Variants in ADGRE1 observed in about 807,000 individuals in gnomAD.
ADGRE1 encodes EGF-like module receptor 1.
In ADGRE1, 82 loss-of-function variants were observed where a neutral mutation model predicts 102.7. That is an observed-to-expected ratio of 0.80 (90% CI 0.67 to 0.96). The LOEUF (loss-of-function observed/expected upper bound fraction) is 0.96. Ranked by LOEUF, ADGRE1 falls within the 40% of genes least tolerant of loss-of-function variation. ADGRE1 has a pLI of 0.00. For synonymous variants in ADGRE1, 398 were observed against 399.6 expected (o/e 1.00, Z 0.05); for missense variants, 1,032 against 1,085.3 (o/e 0.95, Z 0.69).
chr19:6,937,758 C>T, intron 20 of ADGRE1, 110 bp downstream of exon 20: 1 of 855,506 alleles, frequency 1.2e-6, no homozygotes, highest in South Asian at 1.5e-5. Context: ...AGGGTGCCCA[C>T]CCTAGTTAGC....
chr19:6,910,570 CTT>C (rs11303491), intron 10 of ADGRE1, among the ~76,000 whole-genome samples: 2,082 of 112,588 alleles, frequency 0.018, 18 homozygotes, highest in South Asian at 0.039. Flanking sequence ...TGTTCCAACT[CTT>C]TTTTTTTTTT....
rs143450396 is a variant in ADGRE1, at chr19:6,918,966, C to A, written c.1421-582C>A. ...CCTGGAACTCCTGACCTCAAGTGAT[C>A]CACTTGCCTTGGCCTCCCAAAGTGC... On this transcript the variant is annotated intron_variant, in intron 12 of 20. Coordinates refer to ENST00000312053, the MANE Select transcript of ADGRE1 (RefSeq NM_001974.5). Among the ~76,000 whole-genome samples, 36 of 152,284 alleles carry A rather than the reference C, an allele frequency of 2.4e-4. 1 individual carries two copies. In the East Asian group the frequency reaches 6.9e-3, roughly 29 times the overall value.
At chr19:6,897,334 C>G in intron 4 of ADGRE1, 30 bp downstream of exon 4, 1 of 1,613,182 alleles carries the variant, frequency 6.2e-7, no homozygotes, top group Non-Finnish European at 8.5e-7. Context: ...AGGGATGGGT[C>G]TTGGGTGGAT....
intron 12 of ADGRE1, 67 bp from the exon 13 acceptor site, chr19:6,919,481 T>TGTGTGTGTGTGTGG: frequency 9.8e-7 from 1 of 1,015,764 alleles, no homozygotes; most frequent in Non-Finnish European, 1.5e-6. Flanking sequence ...TGTGTGTGTG[T>TGTGTGTGTGTGTGG]TGGGTCTTCT....
intron 17 of ADGRE1, among the ~76,000 whole-genome samples, chr19:6,930,597 A>G (rs564678794): frequency 6.6e-6 from 1 of 152,120 alleles, no homozygotes; most frequent in East Asian, 1.9e-4. Flanking sequence ...ACACAATCCA[A>G]TTATGTTCTT....
At chr19:6,913,604 C>G in intron 10 of ADGRE1, 49 bp from the exon 11 acceptor site, 1 of 1,490,382 alleles carries the variant, frequency 6.7e-7, no homozygotes, top group South Asian at 1.4e-5. Context: ...GCTGTTATTT[C>G]ATTAATGAGA....
rs3029890 is a variant in ADGRE1 at position 6,898,237 on chromosome 19, CT to C, written c.514+700del. ...TATGGGATGGGAGATATTGTTTTAA[CT>C]TTTTTTTTTGGCAAAATACAGTCTT... On this transcript the variant is annotated intron_variant, in intron 5 of 20. Transcript: ENST00000312053. 5.7e-3 allele frequency: 6,676 copies of C among 1,170,734 alleles called. 2 individuals carry two copies. The highest frequency in any genetic ancestry group is 0.014 in the East Asian group (418 of 30,314). 72.5% of individuals were successfully genotyped at this position (1,170,734 alleles called of 1,614,324 possible).
In ADGRE1 at chr19:6,934,990, A is replaced by T. The variant is rs747410091; in HGVS notation, c.2293A>T (p.Asn765Tyr). Residue 765 changes from asparagine to tyrosine, a missense_variant, in exon 18 of 21, where the codon AAC becomes TAC. Physicochemically the swap from Asn to Tyr is moderately radical, Grantham distance 143. Coordinates refer to ENST00000312053, the MANE Select transcript of ADGRE1 (RefSeq NM_001974.5). ...ATCCTTCTGCTTGACTTTGCAGATCAACTCCCTTCTCCTGACCTGGACCTT... is the reference window on the plus strand; with the variant it reads ...ATCCTTCTGCTTGACTTTGCAGATCTACTCCCTTCTCCTGACCTGGACCTT... ...LGPVCTVIVI[N>Y]SLLLTWTLWI... 1 of 1,578,392 alleles carries T rather than the reference A, an allele frequency of 6.3e-7. No homozygotes were observed.
chr19:6,926,239 A>G, intron 15 of ADGRE1, 127 bp from the exon 16 acceptor site: 1 of 986,476 alleles, frequency 1.0e-6, no homozygotes, highest in South Asian at 1.6e-5. Flanking sequence ...CTCTCTATAA[A>G]TGTTTGTGAG....
In ADGRE1 at chr19:6,908,916, T is replaced by A. The variant is rs111641733; in HGVS notation, c.1122+144T>A. ...TGGGAGATTGAGTCAGATGAATCAC[T>A]TGAGGTCAGGAGTTCAAGACCAGCC... is the stretch of plus-strand genomic sequence containing the variant. On this transcript the variant is annotated intron_variant, in intron 10 of 20. Coordinates refer to ENST00000312053, the MANE Select transcript of ADGRE1 (RefSeq NM_001974.5). 8 of 704,104 alleles carry A rather than the reference T, an allele frequency of 1.1e-5. 1 individual carries two copies. The highest frequency in any genetic ancestry group is 5.5e-5 in the African/African-American group (3 of 55,036). 43.6% of individuals were successfully genotyped at this position (704,104 alleles called of 1,614,324 possible). A position where few individuals can be genotyped will look rare whatever the true frequency, so the allele number is the denominator to read the frequency against.
At chr19:6,935,367 G>A (rs576760202) in intron 18 of ADGRE1, among the ~76,000 whole-genome samples, 7 of 152,146 alleles carry the variant, frequency 4.6e-5, no homozygotes, top group African/African-American at 1.7e-4. Context: ...CATTTAGCAC[G>A]GTTACTAGGA....
chr19:6,929,838 T>C (rs2145013318), intron 17 of ADGRE1, among the ~76,000 whole-genome samples: 1 of 152,130 alleles, frequency 6.6e-6, no homozygotes, highest in African/African-American at 2.4e-5. Context: ...GTACTTTTAG[T>C]AGAGATGGGG....
At chr19:6,918,961 G>A (rs897976421) in intron 12 of ADGRE1, among the ~76,000 whole-genome samples, 1 of 152,184 alleles carries the variant, frequency 6.6e-6, no homozygotes, top group African/African-American at 2.4e-5. Context: ...CTGACCTCAA[G>A]TGATCCACTT....
At chr19:6,936,986 G>T (rs1356597432) in intron 18 of ADGRE1, among the ~76,000 whole-genome samples, 1 of 152,108 alleles carries the variant, frequency 6.6e-6, no homozygotes, top group Admixed American at 6.5e-5. Context: ...TCGAACTTCT[G>T]TCCTCAGGTG....
chr19:6,913,740 G>A lies in ADGRE1; in HGVS notation c.1210G>A (p.Val404Ile), dbSNP rs745484883. 6.2e-7 allele frequency: 1 copy of A among 1,613,384 alleles called. No homozygotes were observed. The highest frequency in any genetic ancestry group is 1.7e-5 in the Admixed American group (1 of 59,948). ...GGAAGAGACGTCCTCCCTGGCCACAGTCTTCCTGGAGAGTGTGGAAAGCAT... is the reference window on the plus strand; with the variant it reads ...GGAAGAGACGTCCTCCCTGGCCACAATCTTCCTGGAGAGTGTGGAAAGCAT... ...TKEETSSLATVFLESVESMTL... is the reference protein window; with the variant it reads ...TKEETSSLATIFLESVESMTL... Residue 404 changes from valine to isoleucine, a missense_variant, in exon 11 of 21, where the codon GTC becomes ATC. Transcript: ENST00000312053.
intron 11 of ADGRE1, 95 bp from the exon 12 acceptor site, chr19:6,916,154 C>T (rs975505025): frequency 8.6e-6 from 12 of 1,394,438 alleles, no homozygotes; most frequent in South Asian, 4.0e-5. Flanking sequence ...TTCCTTTGCT[C>T]GCCATGATGG....
chr19:6,898,523 C>A, intron 5 of ADGRE1: 1 of 1,551,524 alleles, frequency 6.4e-7, no homozygotes, highest in East Asian at 2.3e-5. Context: ...GGGGTGAGTT[C>A]ATGTATTTCT....
chr19:6,934,910 A>G (rs1234756892), intron 17 of ADGRE1, 77 bp from the exon 18 acceptor site: 10 of 1,014,124 alleles, frequency 9.9e-6, no homozygotes, highest in Non-Finnish European at 1.4e-5. Flanking sequence ...CCCAGCCCAG[A>G]GTTCTCTTTT....
intron 2 of ADGRE1, among the ~76,000 whole-genome samples, chr19:6,893,550 G>A (rs750642430): frequency 2.6e-5 from 4 of 152,138 alleles, no homozygotes; most frequent in African/African-American, 9.7e-5. Context: ...GTACATATAC[G>A]ACATCTTCCT....
Sources: allele counts gnomAD v4.1 joint callset (sites outside exome capture counted in the v4.1 genomes callset), GRCh38; gene constraint gnomAD v4.1.1; transcripts MANE v1.5; gene names NCBI Gene and HGNC (gene_info 2026-07-23, HGNC 2026-07-21).